NFRKB: variants seen among roughly 807,000 people sequenced by gnomAD.
NFRKB encodes the protein nuclear factor related to kappa-B-binding protein.
NFRKB carries 62 observed loss-of-function variants against 135.7 expected under a neutral mutation model. The ratio of observed to expected loss-of-function variants is 0.46; its 90% CI spans 0.37 to 0.56. NFRKB has a LOEUF of 0.56. Ranked by LOEUF, NFRKB falls within the 20% of genes least tolerant of loss-of-function variation. NFRKB has a pLI of 0.00. For missense variants in NFRKB, 1,545 were observed against 1,662.0 expected, an observed-to-expected ratio of 0.93 and a Z score of 1.22; for synonymous variants, 678 against 635.6, an observed-to-expected ratio of 1.07 and a Z score of -1.00.
intron 15 of NFRKB, among the ~76,000 whole-genome samples, chr11:129,878,091 T>C (rs1948855599): frequency 6.6e-6 from 1 of 152,146 alleles, no homozygotes. Context: ...ATATGCCCCT[T>C]AGAGGCTCTC....
At position 129,863,885 on chromosome 11, in the gene NFRKB, C is replaced by T. The variant is rs1256487125; in HGVS notation, c.*840G>A. 6.6e-6 allele frequency: 1 copy of T among 152,284 alleles called. No individual in the cohort carries two copies. The allele number at this position is 152,284 out of a possible 1,614,324, so 9.4% of individuals were successfully genotyped here. A position where few individuals can be genotyped will look rare whatever the true frequency, so the allele number is the denominator to read the frequency against. Reference sequence around the variant, plus strand: ...GCAGAAGGTATACTCTGAACTGCAACAAAGTTTCTGCTGCAAAAGCAGCAC... The same window carrying T: ...GCAGAAGGTATACTCTGAACTGCAATAAAGTTTCTGCTGCAAAAGCAGCAC... On this transcript the variant is annotated 3_prime_UTR_variant, in exon 27 of 27. Coordinates refer to ENST00000682444, the MANE Select transcript of NFRKB (RefSeq NM_001143835.2).
At chr11:129,884,199 C>G in intron 7 of NFRKB, 56 bp from the exon 8 acceptor site, 2 of 1,471,442 alleles carry the variant, frequency 1.4e-6, no homozygotes. Flanking sequence ...TTACATCTTT[C>G]TGGTCACTTT....
At chr11:129,866,646 C>T (rs1355241999) in intron 24 of NFRKB, among the ~76,000 whole-genome samples, 1 of 152,086 alleles carries the variant, frequency 6.6e-6, no homozygotes. Flanking sequence ...TTTTTAGAAA[C>T]TGAGAAGGCC....
intron 23 of NFRKB, chr11:129,872,660 T>C (rs547580773): frequency 4.4e-6 from 2 of 453,884 alleles, no homozygotes; most frequent in East Asian, 7.0e-5. Flanking sequence ...GACTACTGAA[T>C]GCTGAATTAA....
Position 129,882,584 on chromosome 11 carries a change from CCT to C in NFRKB, c.947_948del (p.Glu316GlyfsTer25), listed in dbSNP as rs1248226126. On this transcript the variant is annotated frameshift_variant, in exon 10 of 27. Coordinates refer to ENST00000682444, the MANE Select transcript of NFRKB (RefSeq NM_001143835.2). LOFTEE classifies it high-confidence loss of function. ...AVLKKKVKEK[E>X]EKKKKKIKTI... The stretch of plus-strand genomic sequence containing the variant: ...GTTTTTATTTTCTTCTTCTTCTTTT[CCT>C]CTTTTTCCTTAACCTTTTTTTTAAG... 1 of 1,613,980 alleles carries C rather than the reference CCT, an allele frequency of 6.2e-7. No individual in the cohort carries two copies. Among genetic ancestry groups the C allele is most frequent in the Non-Finnish European group, 8.5e-7 (1 of 1,180,002 alleles).
intron 11 of NFRKB, 45 bp from the exon 12 acceptor site, chr11:129,881,898 A>G: frequency 1.9e-6 from 3 of 1,553,700 alleles, no homozygotes; most frequent in Non-Finnish European, 2.6e-6. Context: ...TCTCTTCCAC[A>G]CCAGCAATTC....
At chr11:129,889,779 C>T (rs1008240910) in intron 3 of NFRKB, among the ~76,000 whole-genome samples, 7 of 151,198 alleles carry the variant, frequency 4.6e-5, no homozygotes, top group African/African-American at 1.7e-4. Context: ...GGTTAGAAAT[C>T]CACAGAGCAA....
At chr11:129,876,588 T>G in intron 17 of NFRKB, 133 bp downstream of exon 17, 1 of 951,122 alleles carries the variant, frequency 1.1e-6, no homozygotes, top group Non-Finnish European at 1.5e-6. Flanking sequence ...ACTGCAATGC[T>G]TTGAAAAACT....
rs1377463195 is a variant in NFRKB, at chr11:129,869,493, C to A, written c.3531+1G>T. 1.2e-6 allele frequency: 2 copies of A among 1,602,372 alleles called. No homozygotes were observed. The highest frequency in any genetic ancestry group is 1.3e-5 in the African/African-American group (1 of 74,584). On this transcript the variant is annotated splice_donor_variant, in intron 24 of 26. Transcript: ENST00000682444. LOFTEE classifies it high-confidence loss of function. ...CCTAAGCTTTACCACTAGTTACTCACAGCCTGGGACGTGGACACAACCGTG... is the reference window on the plus strand; with the variant it reads ...CCTAAGCTTTACCACTAGTTACTCAAAGCCTGGGACGTGGACACAACCGTG...
Position 129,888,280 on chromosome 11 carries a change from A to T in NFRKB, c.337+314T>A, listed in dbSNP as rs964605612. On this transcript the variant is annotated intron_variant, in intron 4 of 26. Transcript: ENST00000682444. Reference sequence around the variant, plus strand: ...ATAAAGCAAATGGCAAGCTCTTTTTAAAATTTTTTAAAGACCAGACATGAA... The same window carrying T: ...ATAAAGCAAATGGCAAGCTCTTTTTTAAATTTTTTAAAGACCAGACATGAA... The T allele has an allele frequency of 5.1e-6, 3 of 591,496 alleles. No homozygotes were observed. The African/African-American group carries it at 5.6e-5, about 11-fold the overall frequency. The allele number at this position is 591,496 out of a possible 1,614,324, so 36.6% of individuals were successfully genotyped here. A position where few individuals can be genotyped will look rare whatever the true frequency, so the allele number is the denominator to read the frequency against.
At chr11:129,886,176 G>T in intron 5 of NFRKB, 141 bp downstream of exon 5, 1 of 858,902 alleles carries the variant, frequency 1.2e-6, no homozygotes, top group Non-Finnish European at 1.8e-6. Flanking sequence ...AGAAAGGATG[G>T]CATAGCTTAA....
At chr11:129,876,952 G>C in intron 16 of NFRKB, 57 bp from the exon 17 acceptor site, 1 of 1,518,404 alleles carries the variant, frequency 6.6e-7, no homozygotes, top group Non-Finnish European at 9.0e-7. Context: ...TTCTCTCTCG[G>C]GCTTCCTTAC....
intron 3 of NFRKB, 85 bp from the exon 4 acceptor site, chr11:129,888,880 T>A: frequency 1.0e-6 from 1 of 959,894 alleles, no homozygotes. Context: ...TTACATAATA[T>A]ACATAAGATT....
chr11:129,867,679 T>C (rs936028673), intron 24 of NFRKB, among the ~76,000 whole-genome samples: 1 of 152,234 alleles, frequency 6.6e-6, no homozygotes, highest in Non-Finnish European at 1.5e-5. Context: ...ATTTGACTTA[T>C]GTTTATATCC....
At chr11:129,889,951 C>CGTGTGTGT (rs56216860) in intron 3 of NFRKB, among the ~76,000 whole-genome samples, 3,208 of 135,308 alleles carry the variant, frequency 0.024, 45 homozygotes, top group Admixed American at 0.031. Flanking sequence ...TATTGTCTTA[C>CGTGTGTGT]GTGTGTGTGT....
chr11:129,881,660 G>A (rs760030953), intron 12 of NFRKB, 67 bp downstream of exon 12: 1 of 1,592,598 alleles, frequency 6.3e-7, no homozygotes, highest in Non-Finnish European at 8.6e-7. Flanking sequence ...CAAAGCTGCA[G>A]TTTATTCTAA....
chr11:129,875,687 G>A (rs866755445), intron 17 of NFRKB, among the ~76,000 whole-genome samples: 12 of 119,598 alleles, frequency 1.0e-4, no homozygotes, highest in Admixed American at 2.2e-4. Context: ...AGACAGTTTC[G>A]CTCTTGTCAC....
rs1948084293 is a variant in NFRKB, at chr11:129,864,207, A to T, written c.*518T>A. Reference sequence around the variant, plus strand: ...CTCATTCTAGTCAAAAAAGTAAGTCATCGGTTTAGTGGAGGGGGCAGCTAA... The same window carrying T: ...CTCATTCTAGTCAAAAAAGTAAGTCTTCGGTTTAGTGGAGGGGGCAGCTAA... On this transcript the variant is annotated 3_prime_UTR_variant, in exon 27 of 27. Coordinates refer to ENST00000682444, the MANE Select transcript of NFRKB (RefSeq NM_001143835.2). The T allele has an allele frequency of 6.5e-6, 1 of 152,686 alleles. No individual in the cohort carries two copies. Among genetic ancestry groups the T allele is most frequent in the South Asian group, 2.1e-4 (1 of 4,840 alleles). The allele number at this position is 152,686 out of a possible 1,614,324, so 9.5% of individuals were successfully genotyped here.
Position 129,874,903 on chromosome 11 carries a change from A to G in NFRKB, c.1868T>C (p.Val623Ala). 6.2e-7 allele frequency: 1 copy of G among 1,614,236 alleles called. No individual in the cohort carries two copies. Among genetic ancestry groups the G allele is most frequent in the East Asian group, 2.2e-5 (1 of 44,886 alleles). ...DVTSTQVNTV[V>A]SGALDRLHYE... ...ATGTAGCCGATCCAGTGCACCACTC[A>G]CTACTGTATTTACCTACAAATCAGA... The change falls in exon 19 of 27, where the codon GTG becomes GCG. Residue 623 changes from valine (V) to alanine (A), a missense_variant. By Grantham distance (64) the Val-to-Ala change is moderately conservative. Transcript: ENST00000682444. This position sits in a 1 kb window ranked among gnomAD's most constrained non-coding sequence, Gnocchi z 4.5.
Sources: gnomAD v4.1 joint callset for allele counts (sites outside exome capture counted in the v4.1 genomes callset) on GRCh38, gnomAD v4.1.1 for gene constraint, Gnocchi (gnomAD v3.1) non-coding constraint, MANE v1.5 for transcripts, NCBI Gene and HGNC (gene_info 2026-07-23, HGNC 2026-07-21) for gene names.